The following DIS3L2 variants were observed in gnomAD, a reference collection of about 807,000 sequenced individuals.
DIS3L2 encodes the protein DIS3 like 3'-5' exoribonuclease 2.
In DIS3L2, 34 loss-of-function variants were observed where a neutral mutation model predicts 97.5. The observed-to-expected ratio is 0.35, with a 90% CI of 0.27 to 0.46. The LOEUF is 0.46. DIS3L2 is among the 20% of genes least tolerant of loss of function. The probability of loss-of-function intolerance (pLI) is 1.00; values close to 1 mark genes in which losing one functional copy is unlikely to be tolerated. For synonymous variants in DIS3L2, 435 were observed against 445.2 expected (o/e 0.98, Z 0.29); for missense variants, 1,038 against 1,146.0 (o/e 0.91, Z 1.36).
chr2:232,156,601 C>T (rs764097570), intron 8 of DIS3L2, among the ~76,000 whole-genome samples: 3 of 151,902 alleles, frequency 2.0e-5, no homozygotes, highest in Middle Eastern at 3.2e-3. Flanking sequence ...AAAAACTGGA[C>T]ATTATAAAAT....
intron 13 of DIS3L2, among the ~76,000 whole-genome samples, chr2:232,275,477 G>A (rs1302390058): frequency 6.6e-6 from 1 of 152,154 alleles, no homozygotes; most frequent in Non-Finnish European, 1.5e-5. Flanking sequence ...CAGGGACACT[G>A]TGCCCATTGT....
Position 232,087,565 on chromosome 2 carries a change from C to T in DIS3L2, c.445C>T (p.His149Tyr), listed in dbSNP as rs1209842240. 1.9e-6 allele frequency: 3 copies of T among 1,613,912 alleles called. No individual in the cohort carries two copies. The African/African-American group carries it at 4.0e-5, about 22-fold the overall frequency. The change falls in exon 6 of 21, where the codon CAT (histidine) becomes TAT (tyrosine). Residue 149 changes from histidine to tyrosine, a missense_variant. By Grantham distance (83) the His-to-Tyr change is moderately conservative. Transcript: ENST00000325385. Reference protein sequence around the residue: ...SDIPEELCGHHLPQQSLKSYN... With the variant: ...SDIPEELCGHYLPQQSLKSYN... ...TATCCCCGAGGAGCTCTGTGGACAC[C>T]ATCTCCCGCAACAGTCCCTGAAAAG... is the stretch of plus-strand genomic sequence containing the variant.
chr2:232,015,850 C>T, intron 3 of DIS3L2, 179 bp downstream of exon 3: 1 of 585,788 alleles, frequency 1.7e-6, no homozygotes, highest in Non-Finnish European at 2.8e-6. Flanking sequence ...AACTACAGTA[C>T]ATTTAGAGGT....
chr2:232,201,829 G>A (rs961256206), intron 9 of DIS3L2, among the ~76,000 whole-genome samples: 3 of 152,188 alleles, frequency 2.0e-5, no homozygotes, highest in Non-Finnish European at 4.4e-5. Flanking sequence ...CTAGACACAG[G>A]AAGGGAGGGA....
At chr2:232,032,495 CTTTAG>C (rs1694830108) in intron 5 of DIS3L2, among the ~76,000 whole-genome samples, 1 of 152,166 alleles carries the variant, frequency 6.6e-6, no homozygotes, top group Non-Finnish European at 1.5e-5. Flanking sequence ...TGCAGAAGCT[CTTTAG>C]TTTAATTAGA....
chr2:232,147,523 G>A (rs1690251966), intron 8 of DIS3L2, among the ~76,000 whole-genome samples: 1 of 152,112 alleles, frequency 6.6e-6, no homozygotes, highest in South Asian at 2.1e-4. Context: ...TCTTGACTAT[G>A]AGAGCTTCTA....
chr2:231,972,829 C>T (rs1417197959), intron 1 of DIS3L2, among the ~76,000 whole-genome samples: 1 of 152,232 alleles, frequency 6.6e-6, no homozygotes, highest in East Asian at 1.9e-4. Context: ...CAGGTGTGCA[C>T]CACCATGCCT....
chr2:232,305,502 A>G (rs997420663), intron 14 of DIS3L2, among the ~76,000 whole-genome samples: 3 of 151,918 alleles, frequency 2.0e-5, no homozygotes, highest in East Asian at 1.9e-4. Flanking sequence ...TCTTTCTTTT[A>G]TCTCCCTAAT....
Position 231,989,347 on chromosome 2 carries a change from G to A in DIS3L2, c.-93-25488G>A, listed in dbSNP as rs534149767. 2.8e-5 allele frequency among the ~76,000 whole-genome samples: 4 copies of A among 143,204 alleles called. No homozygotes were observed. The South Asian group carries it at 8.5e-4, about 31-fold the overall frequency. The allele number at this position is 143,204 out of a possible 152,430, so 93.9% of individuals were successfully genotyped here. A position where few individuals can be genotyped will look rare whatever the true frequency, so the allele number is the denominator to read the frequency against. ...TGTATGTGTCAGTATAATTGTGTGT[G>A]TGTGTGTGTGTGTGTGTGTGTGTGT... On this transcript the variant is annotated intron_variant, in intron 1 of 20. Coordinates refer to ENST00000325385, the MANE Select transcript of DIS3L2 (RefSeq NM_152383.5).
chr2:232,095,067 G>A (rs555588299), intron 6 of DIS3L2, among the ~76,000 whole-genome samples: 1 of 152,030 alleles, frequency 6.6e-6, no homozygotes, highest in African/African-American at 2.4e-5. Flanking sequence ...TGTGTTTCTG[G>A]TAGGCAGCAG....
At chr2:232,161,992 C>T (rs1411015712) in intron 8 of DIS3L2, among the ~76,000 whole-genome samples, 3 of 151,954 alleles carry the variant, frequency 2.0e-5, no homozygotes, top group South Asian at 2.1e-4. Flanking sequence ...AGGATGGTCT[C>T]GATCTCCTGA....
chr2:232,027,691 G>A (rs1694697800), intron 4 of DIS3L2, among the ~76,000 whole-genome samples: 1 of 152,006 alleles, frequency 6.6e-6, no homozygotes, highest in African/African-American at 2.4e-5. Flanking sequence ...CTTTGTTTTA[G>A]GGGAACTTGA....
intron 8 of DIS3L2, among the ~76,000 whole-genome samples, chr2:232,158,192 C>G (rs939753025): frequency 6.6e-6 from 1 of 152,152 alleles, no homozygotes; most frequent in Non-Finnish European, 1.5e-5. Context: ...TTTCAGAGAC[C>G]ATCCCTTACA....
At chr2:232,071,244 C>T (rs78831370) in intron 5 of DIS3L2, among the ~76,000 whole-genome samples, 528 of 152,134 alleles carry the variant, frequency 3.5e-3, no homozygotes, top group African/African-American at 0.012. Context: ...ATTCTTGGCT[C>T]GCTGTGGTGG....
chr2:232,053,801 T>C (rs895892483), intron 5 of DIS3L2, among the ~76,000 whole-genome samples: 1 of 152,208 alleles, frequency 6.6e-6, no homozygotes, highest in African/African-American at 2.4e-5. Flanking sequence ...CACCTCTCTG[T>C]GTTTACCAAC....
At chr2:232,123,022 ATCATTAGG>A (rs1697955416) in intron 6 of DIS3L2, among the ~76,000 whole-genome samples, 1 of 152,190 alleles carries the variant, frequency 6.6e-6, no homozygotes, top group Non-Finnish European at 1.5e-5. Flanking sequence ...AGAGCTGTTG[ATCATTAGG>A]CAGCTTCTAA....
In DIS3L2 at chr2:232,160,946, C is replaced by G. The variant is rs549148837; in HGVS notation, c.951-2513C>G. On this transcript the variant is annotated intron_variant, in intron 8 of 20. Transcript: ENST00000325385. ...TTTGTTTGTTTTTTTGAGACAGACT[C>G]TCACTCTGTTGCCCAGGCTGGAGTA... Among the ~76,000 whole-genome samples, 6 of 152,284 alleles carry G rather than the reference C, an allele frequency of 3.9e-5. No homozygotes were observed. In the South Asian group the frequency reaches 1.2e-3, roughly 32 times the overall value.
chr2:232,308,323 G>A (rs1695037654), intron 14 of DIS3L2, among the ~76,000 whole-genome samples: 1 of 152,200 alleles, frequency 6.6e-6, no homozygotes. Context: ...TCCAGACAGT[G>A]AGGCCAGCAG....
At position 232,329,785 on chromosome 2, in the gene DIS3L2, TCCCTCCCATCCCA is replaced by T; in HGVS notation, c.1740-24_1740-12del. On this transcript the variant is annotated splice_polypyrimidine_tract_variant and intron_variant, in intron 14 of 20. Coordinates refer to ENST00000325385, the MANE Select transcript of DIS3L2 (RefSeq NM_152383.5). Reference sequence around the variant, plus strand: ...CGCACCTGTCCCCAAACCCCAGCGGTCCCTCCCATCCCACCCACCCTCTGCAGGCTCGTGGAGG... The same window carrying T: ...CGCACCTGTCCCCAAACCCCAGCGGTCCCACCCTCTGCAGGCTCGTGGAGG... 1.0e-6 allele frequency: 1 copy of T among 967,144 alleles called. No individual in the cohort carries two copies. Among genetic ancestry groups the T allele is most frequent in the Non-Finnish European group, 1.5e-6 (1 of 686,380 alleles). 59.9% of individuals were successfully genotyped at this position (967,144 alleles called of 1,614,324 possible).
Sources: gnomAD v4.1 joint callset for allele counts (sites outside exome capture counted in the v4.1 genomes callset) on GRCh38, gnomAD v4.1.1 for gene constraint, MANE v1.5 for transcripts, NCBI Gene and HGNC (gene_info 2026-07-23, HGNC 2026-07-21) for gene names.